Variants in SLC7A14 observed in about 807,000 individuals in gnomAD.
The protein encoded by SLC7A14 is solute carrier family 7 member 14, also known as gamma-aminobutyric acid transporter SLC7A14.
Under a neutral mutation model 60.2 loss-of-function variants are expected in SLC7A14, and 37 were observed. The ratio of observed to expected loss-of-function variants is 0.61; its 90% confidence interval spans 0.47 to 0.81. The LOEUF (loss-of-function observed/expected upper bound fraction) is 0.81. Among genes scored for constraint, SLC7A14 ranks in the 30% least tolerant of loss-of-function variants. The probability of loss-of-function intolerance (pLI) is 0.00; values close to 1 mark genes in which losing one functional copy is unlikely to be tolerated. For missense variants in SLC7A14, 886 were observed against 982.7 expected (o/e 0.90, Z 1.32); for synonymous variants, 399 against 395.8 (o/e 1.01, Z -0.10).
intron 2 of SLC7A14, among the ~76,000 whole-genome samples, chr3:170,525,898 C>T (rs111813100): frequency 0.013 from 2,038 of 152,242 alleles, 60 homozygotes; most frequent in African/African-American, 0.047. Flanking sequence ...TGGTGAAACC[C>T]TGGCTCTACT....
rs751476113 is a variant in SLC7A14, at chr3:170,532,359, C to T, written c.-152-5271G>A. ...CTCCCGCATCCAGGTCTTGGCTAAC[C>T]CTCTCACCACCTCCCTGCTTTTCTT... is the stretch of plus-strand genomic sequence containing the variant. On this transcript the variant is annotated intron_variant, in intron 1 of 7. Coordinates refer to ENST00000231706, the MANE Select transcript of SLC7A14 (RefSeq NM_020949.3). The surrounding 1 kb of genome is among the most constrained non-coding windows in gnomAD (Gnocchi z 4.0). Among the ~76,000 whole-genome samples the T allele has an allele frequency of 1.7e-4, 26 of 152,334 alleles. No homozygotes were observed. Among genetic ancestry groups the T allele is most frequent in the Non-Finnish European group, 2.8e-4 (19 of 68,032 alleles).
chr3:170,494,411 A>G (rs1019432662), intron 4 of SLC7A14, among the ~76,000 whole-genome samples: 1 of 152,230 alleles, frequency 6.6e-6, no homozygotes, highest in African/African-American at 2.4e-5. Flanking sequence ...CAAGGCTGGC[A>G]TGGTTAGCTC....
intron 1 of SLC7A14, among the ~76,000 whole-genome samples, chr3:170,574,754 T>G (rs1301129041): frequency 6.6e-6 from 1 of 152,208 alleles, no homozygotes; most frequent in Non-Finnish European, 1.5e-5. Flanking sequence ...TGTGGGGTTG[T>G]GCAAGGAGTG....
At chr3:170,470,362 G>A (rs921660216) in intron 7 of SLC7A14, among the ~76,000 whole-genome samples, 14 of 151,196 alleles carry the variant, frequency 9.3e-5, no homozygotes, top group East Asian at 3.9e-4. Flanking sequence ...CTGTGTCTGC[G>A]CGCTCTCACA....
intron 1 of SLC7A14, among the ~76,000 whole-genome samples, chr3:170,551,977 C>T (rs191172485): frequency 1.1e-4 from 17 of 152,252 alleles, no homozygotes; most frequent in South Asian, 8.3e-4. Flanking sequence ...ATCTAAAAAA[C>T]GTATTGCCTA....
intron 4 of SLC7A14, among the ~76,000 whole-genome samples, chr3:170,495,189 T>C (rs994012080): frequency 6.6e-6 from 1 of 152,114 alleles, no homozygotes; most frequent in Non-Finnish European, 1.5e-5. Context: ...GATTTTGCTG[T>C]TTTTTTGCAA....
intron 2 of SLC7A14, among the ~76,000 whole-genome samples, chr3:170,524,891 A>G (rs1489332428): frequency 6.6e-6 from 1 of 152,254 alleles, no homozygotes; most frequent in East Asian, 1.9e-4. Context: ...AGAAGACATG[A>G]CAGGAGGTTA....
intron 1 of SLC7A14, among the ~76,000 whole-genome samples, chr3:170,549,462 C>G (rs577189694): frequency 1.3e-5 from 2 of 152,272 alleles, no homozygotes; most frequent in African/African-American, 4.8e-5. Flanking sequence ...ATTGCACCCG[C>G]CTCGGCCTCC....
intron 5 of SLC7A14, among the ~76,000 whole-genome samples, chr3:170,484,153 G>A (rs1183358447): frequency 1.3e-5 from 2 of 152,202 alleles, no homozygotes; most frequent in Non-Finnish European, 2.9e-5. Context: ...ACAGAATCAA[G>A]TCCTACTGAT....
rs951182591 is a variant in SLC7A14, at chr3:170,515,342, GTA to G, written c.304+11289_304+11290del. ...CCCCAAAAAAAAAATATATATATAT[GTA>G]TATATATATTATGGATATGGAAAGG... On this transcript the variant is annotated intron_variant, in intron 2 of 7. Transcript: ENST00000231706. 1.3e-4 allele frequency among the ~76,000 whole-genome samples: 20 copies of G among 148,644 alleles called. No individual in the cohort carries two copies. The South Asian group carries it at 4.2e-3, about 31-fold the overall frequency.
intron 1 of SLC7A14, among the ~76,000 whole-genome samples, chr3:170,553,256 C>T (rs997916202): frequency 1.1e-4 from 16 of 152,112 alleles, no homozygotes; most frequent in East Asian, 5.8e-4. Context: ...AAATTTTGGT[C>T]GAAAGAGTGA....
intron 2 of SLC7A14, among the ~76,000 whole-genome samples, chr3:170,516,529 C>T (rs751961853): frequency 6.0e-5 from 9 of 150,666 alleles, no homozygotes; most frequent in Non-Finnish European, 1.3e-4. Flanking sequence ...TTGAGACCAG[C>T]CTGAGTAACA....
chr3:170,577,487 G>A lies in SLC7A14; in HGVS notation c.-153+8424C>T, dbSNP rs578063474. On this transcript the variant is annotated intron_variant, in intron 1 of 7. Transcript: ENST00000231706. ...CAAAAACTTAGCCGGGCGCGGTGGC[G>A]GGCGCCTGTAGTCCCAGCTACTCGG... 8.6e-5 allele frequency among the ~76,000 whole-genome samples: 13 copies of A among 151,400 alleles called. No homozygotes were observed. The East Asian group carries it at 1.2e-3, about 14-fold the overall frequency.
At chr3:170,570,916 T>C (rs967677680) in intron 1 of SLC7A14, among the ~76,000 whole-genome samples, 1 of 152,196 alleles carries the variant, frequency 6.6e-6, no homozygotes, top group Non-Finnish European at 1.5e-5. Context: ...TGGTGAGGTC[T>C]GGGCTTTTAG....
chr3:170,575,920 C>T (rs546942964), intron 1 of SLC7A14, among the ~76,000 whole-genome samples: 1 of 152,324 alleles, frequency 6.6e-6, no homozygotes, highest in East Asian at 1.9e-4. Context: ...ATACATCCAC[C>T]TATCTGTATT....
chr3:170,569,969 A>T (rs1369924889), intron 1 of SLC7A14: 1 of 152,030 alleles, frequency 6.6e-6, no homozygotes, highest in African/African-American at 2.4e-5. Context: ...CAGCTCCTGG[A>T]TTCATTAATT....
chr3:170,551,869 C>T (rs1024590914), intron 1 of SLC7A14, among the ~76,000 whole-genome samples: 3 of 152,146 alleles, frequency 2.0e-5, no homozygotes, highest in African/African-American at 7.2e-5. Context: ...ATTCTTTTCA[C>T]TTTCTTAAAG....
chr3:170,551,402 C>T (rs1215624705), intron 1 of SLC7A14, among the ~76,000 whole-genome samples: 1 of 152,130 alleles, frequency 6.6e-6, no homozygotes, highest in Non-Finnish European at 1.5e-5. Context: ...GTTTTCAGGT[C>T]TCTTGGATAC....
intron 2 of SLC7A14, among the ~76,000 whole-genome samples, chr3:170,506,438 TG>T (rs1712782872): frequency 6.6e-6 from 1 of 152,182 alleles, no homozygotes; most frequent in East Asian, 1.9e-4. Context: ...CATTGAAAAG[TG>T]GGTTGGGACA....
Sources: allele counts gnomAD v4.1 joint callset (sites outside exome capture counted in the v4.1 genomes callset), GRCh38; gene constraint gnomAD v4.1.1; non-coding constraint Gnocchi (gnomAD v3.1); transcripts MANE v1.5; gene names NCBI Gene and HGNC (gene_info 2026-07-23, HGNC 2026-07-21).